MTRR: variants seen among roughly 807,000 people sequenced by gnomAD.
MTRR encodes methionine synthase reductase.
In MTRR, 63 loss-of-function variants were observed where a neutral mutation model predicts 79.2. That is an observed-to-expected ratio of 0.80 (90% confidence interval 0.65 to 0.98). The LOEUF is 0.98. Ranked by LOEUF, MTRR falls within the 50% of genes least tolerant of loss-of-function variation. The pLI is 0.00. For missense variants in MTRR, 895 were observed against 839.6 expected (o/e 1.07, Z -0.82); for synonymous variants, 355 against 313.3 (o/e 1.13, Z -1.41).
At chr5:7,869,427 CTCGGCGT>C in intron 1 of MTRR, 1 of 581,334 alleles carries the variant, frequency 1.7e-6, no homozygotes, top group Non-Finnish European at 3.0e-6. Flanking sequence ...TGTCCTTGGG[CTCGGCGT>C]CGGCCTCTGC....
At chr5:7,878,464 A>G (rs1158445378) in intron 5 of MTRR, 142 bp downstream of exon 5, 1 of 1,102,840 alleles carries the variant, frequency 9.1e-7, no homozygotes, top group Non-Finnish European at 1.3e-6. Context: ...TTCTTTTGTA[A>G]ATAGATTTTA....
At chr5:7,868,560 C>T (rs1231187627), upstream of MTRR, among the ~76,000 whole-genome samples, 1 of 151,870 alleles carries the variant, frequency 6.6e-6, no homozygotes, top group South Asian at 2.1e-4. Flanking sequence ...CAAAATTAGG[C>T]GAGGTTAGAG....
chr5:7,885,556 TTG>T (rs970905469), intron 6 of MTRR, 143 bp from the exon 7 acceptor site: 13 of 828,796 alleles, frequency 1.6e-5, no homozygotes, highest in African/African-American at 3.5e-5. Context: ...TTTAAAACAA[TTG>T]TGTGTTTTTT....
At chr5:7,894,096 C>T (rs1014116920) in intron 11 of MTRR, among the ~76,000 whole-genome samples, 1 of 152,160 alleles carries the variant, frequency 6.6e-6, no homozygotes, top group Non-Finnish European at 1.5e-5. Flanking sequence ...ACCTACTCCT[C>T]CTTTCCTCCC....
chr5:7,895,295 A>T (rs985286852), intron 11 of MTRR, among the ~76,000 whole-genome samples: 1 of 152,256 alleles, frequency 6.6e-6, no homozygotes, highest in Non-Finnish European at 1.5e-5. Context: ...TATTTGGAGC[A>T]GCCCCTCAAT....
At position 7,860,666 on chromosome 5, in the gene MTRR, A is replaced by C. The variant is rs1051682391; in HGVS notation, n.392-1285A>C. Among the ~76,000 whole-genome samples the C allele has an allele frequency of 2.6e-5, 4 of 152,228 alleles. No individual in the cohort carries two copies. In the East Asian group the frequency reaches 7.7e-4, roughly 29 times the overall value. ...GCTGGCAAACCAGTTAGTACTGTAA[A>C]AGCAAATTAAAATGGAGCCTGTGCC... On this transcript the variant is annotated intron_variant and non_coding_transcript_variant, in intron 1 of 3. Coordinates refer to the MTRR transcript ENST00000502509.
intron 5 of MTRR, among the ~76,000 whole-genome samples, chr5:7,882,110 T>G (rs945932568): frequency 6.6e-6 from 1 of 152,154 alleles, no homozygotes; most frequent in African/African-American, 2.4e-5. Flanking sequence ...TCTTTGGGCA[T>G]GGAGGGATGG....
chr5:7,897,377 A>G, intron 14 of MTRR, 130 bp downstream of exon 14: 2 of 929,836 alleles, frequency 2.2e-6, no homozygotes, highest in South Asian at 2.8e-5. Flanking sequence ...GTACAGGAAT[A>G]GAAATAACAG....
At chr5:7,854,692 T>C (rs763266079) in intron 1 of MTRR, among the ~76,000 whole-genome samples, 2 of 152,066 alleles carry the variant, frequency 1.3e-5, no homozygotes, top group Non-Finnish European at 2.9e-5. Context: ...TCCCTCCGGG[T>C]CTCTCCCACA....
rs1748544659 is a variant in MTRR, at chr5:7,874,587, G to GTT, written c.284-671_284-670insTT. The stretch of plus-strand genomic sequence containing the variant: ...ATGCCTGCACAACTGAGGGATTTAA[G>GTT]CTTTTTTTTTTTTTTTTTTTTTTAC... On this transcript the variant is annotated intron_variant, in intron 3 of 14. Coordinates refer to ENST00000440940, the MANE Select transcript of MTRR (RefSeq NM_002454.3). 2.7e-5 allele frequency among the ~76,000 whole-genome samples: 2 copies of GTT among 73,926 alleles called. 1 individual carries two copies. The highest frequency in any genetic ancestry group is 5.8e-5 in the Non-Finnish European group (2 of 34,526). The allele number at this position is 73,926 out of a possible 152,430, so 48.5% of individuals were successfully genotyped here. A position where few individuals can be genotyped will look rare whatever the true frequency, so the allele number is the denominator to read the frequency against.
At position 7,898,826 on chromosome 5, in the gene MTRR, G is replaced by A. The variant is rs185778290; in HGVS notation, c.1953-1088G>A. On this transcript the variant is annotated intron_variant, in intron 14 of 14. Coordinates refer to ENST00000440940, the MANE Select transcript of MTRR (RefSeq NM_002454.3). ...TTCGCTTCATTCAGCAAACACCTGAGTGCTGGCTAAGTGCTTGGGGCATAT... is the reference window on the plus strand; with the variant it reads ...TTCGCTTCATTCAGCAAACACCTGAATGCTGGCTAAGTGCTTGGGGCATAT... Among the ~76,000 whole-genome samples, 4 of 152,308 alleles carry A rather than the reference G, an allele frequency of 2.6e-5. No homozygotes were observed. The East Asian group carries it at 7.7e-4, about 29-fold the overall frequency.
At position 7,883,201 on chromosome 5, in the gene MTRR, T is replaced by G; in HGVS notation, c.827T>G (p.Val276Gly). Residue 276 changes from valine (V) to glycine (G), a missense_variant, in exon 6 of 15, where the codon GTG becomes GGG. Coordinates refer to ENST00000440940, the MANE Select transcript of MTRR (RefSeq NM_002454.3). ...SVTSADPVFQVPISKAVQLTT... is the reference protein window; with the variant it reads ...SVTSADPVFQGPISKAVQLTT... ...ACTTCAGCAGATCCAGTTTTTCAAGTGCCAATTTCAAAGGCAGTTCAACTT... is the reference window on the plus strand; with the variant it reads ...ACTTCAGCAGATCCAGTTTTTCAAGGGCCAATTTCAAAGGCAGTTCAACTT... 1 of 1,614,234 alleles carries G rather than the reference T, an allele frequency of 6.2e-7. No individual in the cohort carries two copies. The highest frequency in any genetic ancestry group is 8.5e-7 in the Non-Finnish European group (1 of 1,180,032).
rs529751474 is a variant in MTRR, at chr5:7,890,184, A to G, written c.1327+909A>G. 3.5e-6 allele frequency: 3 copies of G among 859,656 alleles called. No homozygotes were observed. In the African/African-American group the frequency reaches 5.5e-5, roughly 16 times the overall value. 53.3% of individuals were successfully genotyped at this position (859,656 alleles called of 1,614,324 possible). A position where few individuals can be genotyped will look rare whatever the true frequency, so the allele number is the denominator to read the frequency against. On this transcript the variant is annotated intron_variant, in intron 9 of 14. Coordinates refer to ENST00000440940, the MANE Select transcript of MTRR (RefSeq NM_002454.3). ...TCCTTTTTACTCTTGGGCCAGCAAG[A>G]TCCTTTTCGATGCCCAGTACAATTA...
intron 1 of MTRR, among the ~76,000 whole-genome samples, chr5:7,855,060 C>A (rs1746199562): frequency 6.6e-6 from 1 of 152,180 alleles, no homozygotes; most frequent in African/African-American, 2.4e-5. Flanking sequence ...GTGGGACATT[C>A]TACAGGGCAA....
chr5:7,899,776 A>T (rs1739176518), intron 14 of MTRR, 138 bp from the exon 15 acceptor site: 1 of 1,162,684 alleles, frequency 8.6e-7, no homozygotes, highest in African/African-American at 1.5e-5. Flanking sequence ...TGAGGCTGGG[A>T]GATCTGTGTG....
chr5:7,868,023 C>T (rs1409529590), upstream of MTRR: 1 of 1,613,546 alleles, frequency 6.2e-7, no homozygotes, highest in South Asian at 1.1e-5. Flanking sequence ...GCAGCCAGAG[C>T]TCTATGCATC....
At chr5:7,890,922 G>A (rs1391847733) in intron 9 of MTRR, among the ~76,000 whole-genome samples, 3 of 151,918 alleles carry the variant, frequency 2.0e-5, no homozygotes, top group Non-Finnish European at 2.9e-5. Flanking sequence ...AGCATTTTCA[G>A]TAATTCTTGA....
rs529666966 is a variant in MTRR at position 7,890,837 on chromosome 5, A to AT, written c.1328-527dup. On this transcript the variant is annotated intron_variant, in intron 9 of 14. Transcript: ENST00000440940. ...ATACCTACGTATTTTGAAATCACTG[A>AT]TTTTTTTTGATAAATTTTTAAAAAC... is the stretch of plus-strand genomic sequence containing the variant. Among the ~76,000 whole-genome samples the AT allele has an allele frequency of 6.6e-5, 10 of 152,214 alleles. No individual in the cohort carries two copies. In the South Asian group the frequency reaches 1.0e-3, roughly 16 times the overall value.
In MTRR at chr5:7,897,173, A is replaced by G. The variant is rs1490119525; in HGVS notation, c.1878A>G (p.Gln626=). The change falls in exon 14 of 15, where the codon CAA becomes CAG. Residue 626 remains glutamine (Q), a synonymous_variant. Transcript: ENST00000440940. The part of the protein sequence containing the change: ...GEEEAPAKYV[Q]DNIQLHGQQV... ...AGGAAGCCCCAGCAAAGTATGTGCA[A>G]GACAACATCCAGCTTCATGGCCAGC... The G allele has an allele frequency of 1.2e-6, 2 of 1,614,062 alleles. No individual in the cohort carries two copies. Among genetic ancestry groups the G allele is most frequent in the Admixed American group, 3.3e-5 (2 of 60,014 alleles).
Sources: allele counts gnomAD v4.1 joint callset (sites outside exome capture counted in the v4.1 genomes callset), GRCh38; gene constraint gnomAD v4.1.1; transcripts MANE v1.5; gene names NCBI Gene and HGNC (gene_info 2026-07-23, HGNC 2026-07-21).